BRINP3: variants seen among roughly 807,000 people sequenced by gnomAD.
BRINP3 encodes BMP/retinoic acid inducible neural specific 3.
BRINP3 carries 19 observed loss-of-function variants against 71.0 expected under a neutral mutation model. The observed-to-expected ratio is 0.27, with a 90% CI of 0.19 to 0.39. The LOEUF (loss-of-function observed/expected upper bound fraction) is 0.39, where lower values mean the gene tolerates loss of function less well. Among genes scored for constraint, BRINP3 ranks in the 10% least tolerant of loss-of-function variants. The probability of loss-of-function intolerance (pLI) is 1.00; values close to 1 mark genes in which losing one functional copy is unlikely to be tolerated. For synonymous variants in BRINP3, 380 were observed against 337.7 expected (o/e 1.13, Z -1.37); for missense variants, 959 against 940.8 (o/e 1.02, Z -0.25).
At chr1:190,417,075 T>C (rs1472061196) in intron 2 of BRINP3, among the ~76,000 whole-genome samples, 2 of 152,142 alleles carry the variant, frequency 1.3e-5, no homozygotes, top group East Asian at 3.9e-4. Flanking sequence ...GCTAAGGAAC[T>C]TACACCTCAG....
intron 7 of BRINP3, among the ~76,000 whole-genome samples, chr1:190,125,364 T>A (rs879238885): frequency 6.6e-6 from 1 of 151,406 alleles, no homozygotes; most frequent in Non-Finnish European, 1.5e-5. Flanking sequence ...ATACATACTA[T>A]TTTTTGAATA....
chr1:190,241,521 G>A (rs1467094479), intron 4 of BRINP3, among the ~76,000 whole-genome samples: 1 of 151,838 alleles, frequency 6.6e-6, no homozygotes, highest in Non-Finnish European at 1.5e-5. Context: ...AATTTAATTG[G>A]TCTAGATTGA....
chr1:190,309,367 G>A (rs1437038792), intron 2 of BRINP3, among the ~76,000 whole-genome samples: 1 of 151,728 alleles, frequency 6.6e-6, no homozygotes, highest in Non-Finnish European at 1.5e-5. Flanking sequence ...TTCTGAAAAT[G>A]TATAGTATTG....
intron 6 of BRINP3, among the ~76,000 whole-genome samples, chr1:190,195,318 G>T (rs560829804): frequency 6.6e-6 from 1 of 151,658 alleles, no homozygotes; most frequent in Non-Finnish European, 1.5e-5. Context: ...AAATAAGACC[G>T]ATTTTTATAA....
At position 190,098,229 on chromosome 1, in the gene BRINP3, T is replaced by G; in HGVS notation, c.2090A>C (p.Asp697Ala). The change falls in exon 8 of 8, where the codon GAT (aspartate) becomes GCT (alanine). Residue 697 changes from aspartate (D) to alanine (A), a missense_variant. Physicochemically the swap from Asp to Ala is moderately radical, Grantham distance 126. Transcript: ENST00000367462. The part of the protein sequence containing the change: ...LDYPYTQGSQ[D>A]SALLQLLEIR... Reference sequence around the variant, plus strand: ...CTCTAGTAGTTGCAAAAGTGCTGAATCCTGGGATCCCTGAGTATAGGGGTA... The same window carrying G: ...CTCTAGTAGTTGCAAAAGTGCTGAAGCCTGGGATCCCTGAGTATAGGGGTA... The G allele has an allele frequency of 6.2e-7, 1 of 1,614,164 alleles. No homozygotes were observed. Among genetic ancestry groups the G allele is most frequent in the Non-Finnish European group, 8.5e-7 (1 of 1,180,018 alleles).
chr1:190,432,216 T>C (rs1018307271), intron 2 of BRINP3, among the ~76,000 whole-genome samples: 3 of 152,226 alleles, frequency 2.0e-5, no homozygotes, highest in African/African-American at 2.4e-5. Context: ...AATATAGCTT[T>C]CTTACCTAAA....
intron 2 of BRINP3, among the ~76,000 whole-genome samples, chr1:190,404,958 A>C (rs1051087830): frequency 6.6e-6 from 1 of 152,176 alleles, no homozygotes; most frequent in Non-Finnish European, 1.5e-5. Flanking sequence ...AAGGCTGTTA[A>C]AAGTCCTTCA....
At chr1:190,130,982 C>T (rs1654494517) in intron 7 of BRINP3, among the ~76,000 whole-genome samples, 1 of 151,856 alleles carries the variant, frequency 6.6e-6, no homozygotes, top group South Asian at 2.1e-4. Context: ...TCCCTATGCC[C>T]TATCACCTTG....
chr1:190,305,028 A>G (rs1362600493), intron 2 of BRINP3, among the ~76,000 whole-genome samples: 1 of 151,946 alleles, frequency 6.6e-6, no homozygotes, highest in Non-Finnish European at 1.5e-5. Context: ...AACATTATTA[A>G]TCATCAGAGA....
intron 2 of BRINP3, among the ~76,000 whole-genome samples, chr1:190,347,441 A>G (rs553132573): frequency 1.3e-5 from 2 of 150,560 alleles, no homozygotes; most frequent in East Asian, 3.9e-4. Context: ...CGCCCAGCTG[A>G]CACTATAATT....
intron 6 of BRINP3, among the ~76,000 whole-genome samples, chr1:190,211,385 T>C (rs1655978521): frequency 6.6e-6 from 1 of 152,078 alleles, no homozygotes; most frequent in South Asian, 2.1e-4. Context: ...TTAAAATTGA[T>C]CTTTAGACTG....
intron 6 of BRINP3, among the ~76,000 whole-genome samples, chr1:190,219,286 T>C (rs1656671844): frequency 6.6e-6 from 1 of 152,070 alleles, no homozygotes; most frequent in African/African-American, 2.4e-5. Context: ...CCAAACAAGA[T>C]GCTGATTTGT....
intron 2 of BRINP3, among the ~76,000 whole-genome samples, chr1:190,297,816 C>CTG (rs987628473): frequency 7.2e-6 from 1 of 139,304 alleles, no homozygotes; most frequent in Non-Finnish European, 1.6e-5. Context: ...GTGTGTGTAC[C>CTG]TGTGTGTGTG....
At chr1:190,330,425 A>C (rs896665696) in intron 2 of BRINP3, among the ~76,000 whole-genome samples, 3 of 152,074 alleles carry the variant, frequency 2.0e-5, no homozygotes, top group Admixed American at 6.6e-5. Context: ...TCAAAACCGC[A>C]ATGAGATACC....
At chr1:190,230,439 G>A (rs1394481609) in intron 5 of BRINP3, among the ~76,000 whole-genome samples, 2 of 151,754 alleles carry the variant, frequency 1.3e-5, no homozygotes, top group African/African-American at 4.8e-5. Context: ...CACTACTTTG[G>A]ACATGAGTAA....
chr1:190,246,631 AC>A (rs1362111155), intron 4 of BRINP3, among the ~76,000 whole-genome samples: 1 of 152,118 alleles, frequency 6.6e-6, no homozygotes, highest in African/African-American at 2.4e-5. Context: ...AATTTAATTT[AC>A]TTAATATTAT....
intron 6 of BRINP3, among the ~76,000 whole-genome samples, chr1:190,193,648 C>G (rs1225843197): frequency 1.3e-5 from 2 of 152,066 alleles, no homozygotes; most frequent in African/African-American, 4.8e-5. Context: ...CTTGACTAAA[C>G]TTTAGACAGA....
intron 7 of BRINP3, among the ~76,000 whole-genome samples, chr1:190,141,328 A>T (rs985405593): frequency 1.3e-5 from 2 of 151,808 alleles, no homozygotes; most frequent in African/African-American, 4.8e-5. Flanking sequence ...ACTCTTCGTT[A>T]TTTTCCCAGT....
intron 6 of BRINP3, among the ~76,000 whole-genome samples, chr1:190,179,366 G>A (rs995336411): frequency 6.6e-6 from 1 of 152,040 alleles, no homozygotes; most frequent in Non-Finnish European, 1.5e-5. Flanking sequence ...ACAGTCACAT[G>A]GGAAGTTAAT....
Sources: allele counts gnomAD v4.1 joint callset (sites outside exome capture counted in the v4.1 genomes callset), GRCh38; gene constraint gnomAD v4.1.1; transcripts MANE v1.5; gene names NCBI Gene and HGNC (gene_info 2026-07-23, HGNC 2026-07-21).